GALNT13: variants seen among roughly 807,000 people sequenced by gnomAD.
GALNT13 encodes the protein UDP-GalNAc:polypeptide N-acetylgalactosaminyltransferase 13.
Under a neutral mutation model 64.2 loss-of-function variants are expected in GALNT13, and 28 were observed. The ratio of observed to expected loss-of-function variants is 0.44; its 90% CI spans 0.32 to 0.60. The LOEUF is 0.60. GALNT13 is among the 20% of genes least tolerant of loss of function. GALNT13 has a pLI of 0.05. For missense variants in GALNT13, 577 were observed against 669.8 expected (o/e 0.86, Z 1.53); for synonymous variants, 214 against 224.6 (o/e 0.95, Z 0.42).
chr2:153,122,994 CAG>C, the GALNT13 span, among the ~76,000 whole-genome samples: 323 of 151,938 alleles, frequency 2.1e-3, 2 homozygotes, highest in African/African-American at 7.7e-3. Context: ...AAAGGAGACA[CAG>C]AGGAGAATGC....
At chr2:153,551,955 C>A in the GALNT13 span, among the ~76,000 whole-genome samples, 77 of 152,048 alleles carry the variant, frequency 5.1e-4, 1 homozygote, top group South Asian at 7.3e-3. Flanking sequence ...AGGATTGTGG[C>A]GTGAGTAAAA....
intron 4 of GALNT13, among the ~76,000 whole-genome samples, chr2:154,229,594 A>G (rs1324361641): frequency 6.6e-6 from 1 of 152,062 alleles, no homozygotes; most frequent in Non-Finnish European, 1.5e-5. Context: ...TTACTGGGAG[A>G]TGAGGAGAGG....
chr2:153,726,189 A>G, the GALNT13 span, among the ~76,000 whole-genome samples: 1 of 152,334 alleles, frequency 6.6e-6, no homozygotes, highest in Non-Finnish European at 1.5e-5. Flanking sequence ...GAAATGTGGT[A>G]GACATCACTA....
At chr2:154,264,131 G>T (rs1690850623) in intron 8 of GALNT13, among the ~76,000 whole-genome samples, 1 of 152,120 alleles carries the variant, frequency 6.6e-6, no homozygotes, top group African/African-American at 2.4e-5. Flanking sequence ...GGTTTCTGTG[G>T]GAGTATTCAG....
chr2:153,981,652 A>C (rs759823063), intron 3 of GALNT13, among the ~76,000 whole-genome samples: 1 of 152,054 alleles, frequency 6.6e-6, no homozygotes, highest in African/African-American at 2.4e-5. Context: ...AGTCTTTGCT[A>C]TTGTGAATAG....
intron 9 of GALNT13, among the ~76,000 whole-genome samples, chr2:154,331,388 C>T (rs1276721977): frequency 6.6e-6 from 1 of 151,950 alleles, no homozygotes; most frequent in African/African-American, 2.4e-5. Context: ...CTGCAACCTC[C>T]AACTCCTGAG....
intron 3 of GALNT13, among the ~76,000 whole-genome samples, chr2:154,093,638 A>G (rs1207675333): frequency 6.6e-6 from 1 of 151,338 alleles, no homozygotes; most frequent in African/African-American, 2.4e-5. Flanking sequence ...AATGACCTAA[A>G]ACGTTTAAAG....
chr2:153,749,695 C>A, the GALNT13 span, among the ~76,000 whole-genome samples: 1 of 151,838 alleles, frequency 6.6e-6, no homozygotes, highest in Non-Finnish European at 1.5e-5. Context: ...TTGCATCTGG[C>A]AACTTTGGCG....
intron 3 of GALNT13, among the ~76,000 whole-genome samples, chr2:153,998,213 C>T (rs571152486): frequency 3.7e-4 from 56 of 152,160 alleles, no homozygotes; most frequent in Admixed American, 6.5e-4. Context: ...CTTGAGGAAT[C>T]GCCACACTGT....
At chr2:153,892,524 A>G (rs1362571059) in intron 1 of GALNT13, among the ~76,000 whole-genome samples, 1 of 152,046 alleles carries the variant, frequency 6.6e-6, no homozygotes, top group Non-Finnish European at 1.5e-5. Context: ...AGTTAGGTTT[A>G]AAGATGTTCT....
chr2:153,390,798 T>C, the GALNT13 span, among the ~76,000 whole-genome samples: 2 of 152,018 alleles, frequency 1.3e-5, no homozygotes, highest in African/African-American at 4.8e-5. Flanking sequence ...TGTGATAACG[T>C]AAAAGGTGAA....
the GALNT13 span, among the ~76,000 whole-genome samples, chr2:153,579,490 T>G: frequency 6.6e-6 from 1 of 152,230 alleles, no homozygotes; most frequent in Non-Finnish European, 1.5e-5. Flanking sequence ...ATTTTGAATT[T>G]TTTAAATTTT....
chr2:154,004,857 T>G (rs550151138), intron 3 of GALNT13, among the ~76,000 whole-genome samples: 1 of 152,322 alleles, frequency 6.6e-6, no homozygotes, highest in Admixed American at 6.5e-5. Context: ...ACATACCAGG[T>G]AGATAGTGAC....
At chr2:154,073,732 A>C (rs72870311) in intron 3 of GALNT13, among the ~76,000 whole-genome samples, 7,228 of 151,998 alleles carry the variant, frequency 0.048, 251 homozygotes, top group Middle Eastern at 0.11. Flanking sequence ...TTCACATTGC[A>C]AGTAAACTGT....
intron 2 of GALNT13, among the ~76,000 whole-genome samples, chr2:153,937,381 T>A (rs987768354): frequency 1.3e-5 from 2 of 152,208 alleles, no homozygotes; most frequent in East Asian, 1.9e-4. Context: ...AAGACAGTCA[T>A]GAAGGCAACA....
At chr2:153,638,756 G>C in the GALNT13 span, among the ~76,000 whole-genome samples, 23 of 152,218 alleles carry the variant, frequency 1.5e-4, no homozygotes, top group South Asian at 1.2e-3. Context: ...CGGGGTGGGG[G>C]TGTGTGTTCT....
chr2:153,118,725 A>G, the GALNT13 span, among the ~76,000 whole-genome samples: 10 of 152,238 alleles, frequency 6.6e-5, no homozygotes, highest in Non-Finnish European at 1.2e-4. Flanking sequence ...TCTAGGAGCC[A>G]TGCATTATTC....
intron 1 of GALNT13, among the ~76,000 whole-genome samples, chr2:153,899,363 A>G (rs577364213): frequency 6.6e-6 from 1 of 152,354 alleles, no homozygotes; most frequent in African/African-American, 2.4e-5. Flanking sequence ...GAAGAAATAT[A>G]GAGATTTACT....
rs1416601491 is a variant in GALNT13, at chr2:154,308,244, T to A, written c.1156+6655T>A. Among the ~76,000 whole-genome samples, 6 of 152,154 alleles carry A rather than the reference T, an allele frequency of 3.9e-5. No individual in the cohort carries two copies. In the East Asian group the frequency reaches 1.2e-3, roughly 29 times the overall value. ...AAACCACACAATTACAGAAGACTCC[T>A]TGAACTTACTTTGAAGGTTAACTCC... On this transcript the variant is annotated intron_variant, in intron 9 of 12. Coordinates refer to ENST00000392825, the MANE Select transcript of GALNT13 (RefSeq NM_052917.4).
Sources: allele counts gnomAD v4.1 joint callset (sites outside exome capture counted in the v4.1 genomes callset), GRCh38; gene constraint gnomAD v4.1.1; transcripts MANE v1.5; gene names NCBI Gene and HGNC (gene_info 2026-07-23, HGNC 2026-07-21).